PHLPP2: variants seen among roughly 807,000 people sequenced by gnomAD.
PHLPP2 encodes PH domain leucine-rich repeat-containing protein phosphatase 2.
A neutral mutation model predicts 124.9 loss-of-function variants in PHLPP2; 66 were observed. The observed-to-expected ratio is 0.53, with a 90% confidence interval of 0.43 to 0.65. PHLPP2 has a LOEUF of 0.65. PHLPP2 is among the 30% of genes least tolerant of loss of function. The probability of loss-of-function intolerance (pLI) is 0.00; values close to 1 mark genes in which losing one functional copy is unlikely to be tolerated. For missense variants in PHLPP2, 1,685 were observed against 1,600.4 expected (o/e 1.05, Z -0.90); for synonymous variants, 681 against 624.7 (o/e 1.09, Z -1.34).
At chr16:71,663,577 C>T (rs2044812682) in intron 13 of PHLPP2, among the ~76,000 whole-genome samples, 1 of 152,142 alleles carries the variant, frequency 6.6e-6, no homozygotes, top group Non-Finnish European at 1.5e-5. Flanking sequence ...CAGTATTTTA[C>T]AAAACAGTGC....
chr16:71,690,656 T>C lies in PHLPP2; in HGVS notation c.472A>G (p.Asn158Asp). 6.2e-7 allele frequency: 1 copy of C among 1,613,904 alleles called. No individual in the cohort carries two copies. The highest frequency in any genetic ancestry group is 8.5e-7 in the Non-Finnish European group (1 of 1,179,814). The change falls in exon 4 of 19, where the codon AAT becomes GAT. Residue 158 changes from asparagine to aspartate, a missense_variant. Transcript: ENST00000568954. ...LDRILLSGIYNVRKGKTQLHK... is the reference protein window; with the variant it reads ...LDRILLSGIYDVRKGKTQLHK... Reference sequence around the variant, plus strand: ...AGCTGGGTCTTTCCCTTGCGTACATTATAGATGCCAGACAATAGGATTCGA... The same window carrying C: ...AGCTGGGTCTTTCCCTTGCGTACATCATAGATGCCAGACAATAGGATTCGA...
At chr16:71,722,523 T>C (rs182236243) in intron 1 of PHLPP2, among the ~76,000 whole-genome samples, 48 of 152,342 alleles carry the variant, frequency 3.2e-4, no homozygotes, top group Admixed American at 5.2e-4. Flanking sequence ...ATGGATTCAC[T>C]GGGTTCTATT....
In PHLPP2 at chr16:71,679,700, C is replaced by A. The variant is rs542644295; in HGVS notation, c.891-165G>T. Among the ~76,000 whole-genome samples, 21 of 152,236 alleles carry A rather than the reference C, an allele frequency of 1.4e-4. No individual in the cohort carries two copies. In the South Asian group the frequency reaches 4.4e-3, roughly 32 times the overall value. On this transcript the variant is annotated intron_variant, in intron 6 of 18. Coordinates refer to ENST00000568954, the MANE Select transcript of PHLPP2 (RefSeq NM_015020.3). ...CTGCATATCAAACACTGAGTGGGGA[C>A]AGAGGACACCAAGATGACTAATTCA...
chr16:71,718,847 A>G (rs2045380300), intron 1 of PHLPP2, among the ~76,000 whole-genome samples: 1 of 152,250 alleles, frequency 6.6e-6, no homozygotes. Flanking sequence ...ACTTCAGTAT[A>G]TATCATTCTC....
intron 12 of PHLPP2, chr16:71,665,946 G>C (rs919075587): frequency 5.9e-5 from 9 of 152,190 alleles, no homozygotes; most frequent in Admixed American, 4.6e-4. Flanking sequence ...GCTAAAGAGA[G>C]AACAAGCCAG....
chr16:71,691,072 T>G (rs2045106833), intron 3 of PHLPP2, among the ~76,000 whole-genome samples: 1 of 152,210 alleles, frequency 6.6e-6, no homozygotes, highest in African/African-American at 2.4e-5. Flanking sequence ...TTTGTTTACT[T>G]GAACTATTTA....
At chr16:71,695,393 T>C (rs540522093) in intron 3 of PHLPP2, among the ~76,000 whole-genome samples, 3 of 152,252 alleles carry the variant, frequency 2.0e-5, no homozygotes, top group Non-Finnish European at 4.4e-5. Context: ...ATACATGATG[T>C]CCAATACTAT....
At chr16:71,719,409 G>A (rs998420065) in intron 1 of PHLPP2, among the ~76,000 whole-genome samples, 1 of 151,982 alleles carries the variant, frequency 6.6e-6, no homozygotes, top group Non-Finnish European at 1.5e-5. Context: ...GTGGTGGCAC[G>A]CATGCCTGTA....
chr16:71,720,054 C>T (rs1597022019), intron 1 of PHLPP2, among the ~76,000 whole-genome samples: 1 of 146,704 alleles, frequency 6.8e-6, no homozygotes, highest in Non-Finnish European at 1.5e-5. Context: ...CTGCAGGCTC[C>T]GCCCCCCGGG....
chr16:71,658,473 C>T, intron 14 of PHLPP2, 110 bp from the exon 15 acceptor site: 1 of 1,221,382 alleles, frequency 8.2e-7, no homozygotes, highest in Non-Finnish European at 1.1e-6. Flanking sequence ...AATTTCTTCC[C>T]AGGAATCCAT....
At chr16:71,706,418 T>C (rs1459004805) in intron 2 of PHLPP2, among the ~76,000 whole-genome samples, 1 of 152,218 alleles carries the variant, frequency 6.6e-6, no homozygotes, top group Non-Finnish European at 1.5e-5. Context: ...ACAAGAGTTT[T>C]AGTTAATAGT....
intron 4 of PHLPP2, among the ~76,000 whole-genome samples, chr16:71,684,824 C>T (rs2045038500): frequency 6.6e-6 from 1 of 152,162 alleles, no homozygotes; most frequent in Non-Finnish European, 1.5e-5. Context: ...TGCTCTATCA[C>T]CAGCAGCTGG....
chr16:71,681,817 G>A lies in PHLPP2; in HGVS notation c.824C>T (p.Thr275Ile). The A allele has an allele frequency of 1.2e-6, 2 of 1,613,766 alleles. No homozygotes were observed. Among genetic ancestry groups the A allele is most frequent in the Non-Finnish European group, 1.7e-6 (2 of 1,179,760 alleles). The change falls in exon 6 of 19, where the codon ACC becomes ATC. Residue 275 changes from threonine to isoleucine, a missense_variant. Coordinates refer to ENST00000568954, the MANE Select transcript of PHLPP2 (RefSeq NM_015020.3). ...PEHLFYSQDITYLNLRHNFMQ... is the reference protein window; with the variant it reads ...PEHLFYSQDIIYLNLRHNFMQ... ...GAAGTTGTGTCGCAAGTTGAGGTAG[G>A]TAATATCTTGACTATAGAAGAGATG...
chr16:71,710,318 C>T (rs2045315507), intron 2 of PHLPP2, among the ~76,000 whole-genome samples: 1 of 152,090 alleles, frequency 6.6e-6, no homozygotes, highest in South Asian at 2.1e-4. Context: ...CTAAGGTTTC[C>T]TCAAGTGCTA....
intron 1 of PHLPP2, among the ~76,000 whole-genome samples, chr16:71,719,002 A>G (rs542493262): frequency 6.6e-6 from 1 of 152,168 alleles, no homozygotes; most frequent in Admixed American, 6.5e-5. Context: ...GTCTTGCTCC[A>G]CTGCTTAACA....
chr16:71,699,228 G>A (rs539731560), intron 3 of PHLPP2, among the ~76,000 whole-genome samples: 1 of 152,166 alleles, frequency 6.6e-6, no homozygotes, highest in East Asian at 1.9e-4. Flanking sequence ...CCCCACCTTC[G>A]AGCCAAAAAG....
chr16:71,689,385 C>CT (rs57755507), intron 4 of PHLPP2, among the ~76,000 whole-genome samples: 1,866 of 62,538 alleles, frequency 0.03, 142 homozygotes, highest in African/African-American at 0.048. Flanking sequence ...CTACACCTGG[C>CT]TTTTTTTTTT....
chr16:71,719,455 G>A (rs957411305), intron 1 of PHLPP2, among the ~76,000 whole-genome samples: 15 of 152,188 alleles, frequency 9.9e-5, no homozygotes, highest in African/African-American at 1.7e-4. Context: ...CATGAGAATC[G>A]CTTGAACACA....
At chr16:71,656,759 T>C (rs1380782133) in intron 15 of PHLPP2, 78 bp from the exon 16 acceptor site, 4 of 885,590 alleles carry the variant, frequency 4.5e-6, no homozygotes, top group Non-Finnish European at 7.3e-6. Flanking sequence ...GTATTCTTTT[T>C]TTTTTTTTGA....
Sources: gnomAD v4.1 joint callset for allele counts (sites outside exome capture counted in the v4.1 genomes callset) on GRCh38, gnomAD v4.1.1 for gene constraint, MANE v1.5 for transcripts, NCBI Gene and HGNC (gene_info 2026-07-23, HGNC 2026-07-21) for gene names.